ANTXR2: variants seen among roughly 807,000 people sequenced by gnomAD.
ANTXR2 encodes anthrax toxin receptor 2.
In ANTXR2, 44 loss-of-function variants were observed where a neutral mutation model predicts 73.7. The ratio of observed to expected loss-of-function variants is 0.60; its 90% CI spans 0.47 to 0.77. ANTXR2 has a LOEUF of 0.77. Ranked by LOEUF, ANTXR2 falls within the 30% of genes least tolerant of loss-of-function variation. ANTXR2 has a pLI of 0.00. For missense variants in ANTXR2, 604 were observed against 592.5 expected (o/e 1.02, Z -0.20); for synonymous variants, 217 against 205.9 (o/e 1.05, Z -0.46).
At chr4:80,003,749 T>C (rs1210931638) in intron 12 of ANTXR2, among the ~76,000 whole-genome samples, 1 of 151,870 alleles carries the variant, frequency 6.6e-6, no homozygotes, top group East Asian at 1.9e-4. Context: ...ATAATAAAAA[T>C]AGAGAAAACA....
chr4:80,032,324 T>C (rs1392819180), intron 9 of ANTXR2, among the ~76,000 whole-genome samples: 1 of 151,866 alleles, frequency 6.6e-6, no homozygotes, highest in Non-Finnish European at 1.5e-5. Flanking sequence ...ATGAAATACG[T>C]TTATTTTATA....
At chr4:79,983,583 G>A (rs898670195) in intron 14 of ANTXR2, among the ~76,000 whole-genome samples, 1 of 152,060 alleles carries the variant, frequency 6.6e-6, no homozygotes, top group South Asian at 2.1e-4. Context: ...CAAAGTTGAC[G>A]TTCTATGCGG....
intron 16 of ANTXR2, among the ~76,000 whole-genome samples, chr4:79,910,757 G>A (rs184394509): frequency 1.8e-4 from 27 of 152,134 alleles, no homozygotes; most frequent in African/African-American, 6.5e-4. Flanking sequence ...ATGAATCTGA[G>A]GGAGAGAAAG....
At chr4:80,048,936 C>T (rs1733643801) in intron 7 of ANTXR2, among the ~76,000 whole-genome samples, 5 of 151,648 alleles carry the variant, frequency 3.3e-5, no homozygotes, top group African/African-American at 1.2e-4. Flanking sequence ...TTTAAATGTC[C>T]TAAATGTATG....
chr4:80,007,401 T>G (rs1323013644), intron 12 of ANTXR2, among the ~76,000 whole-genome samples: 5 of 152,204 alleles, frequency 3.3e-5, no homozygotes, highest in Non-Finnish European at 5.9e-5. Flanking sequence ...AGATAATTTT[T>G]TTTCTATGAA....
intron 16 of ANTXR2, among the ~76,000 whole-genome samples, chr4:79,924,733 A>G (rs1727716261): frequency 6.6e-6 from 1 of 152,152 alleles, no homozygotes; most frequent in Non-Finnish European, 1.5e-5. Context: ...AGTGTTCACA[A>G]AGCTTACTTC....
At chr4:80,004,405 C>CT (rs70944758) in intron 12 of ANTXR2, among the ~76,000 whole-genome samples, 4 of 151,230 alleles carry the variant, frequency 2.6e-5, no homozygotes, top group South Asian at 4.2e-4. Context: ...ACCACAGAAA[C>CT]TTTTTTTTTA....
At chr4:79,985,157 G>T (rs965309019) in intron 12 of ANTXR2, among the ~76,000 whole-genome samples, 2 of 152,060 alleles carry the variant, frequency 1.3e-5, no homozygotes, top group East Asian at 3.9e-4. Flanking sequence ...GACCATCCTG[G>T]CTAACACGGT....
At chr4:80,012,121 C>T (rs1210937688) in intron 11 of ANTXR2, among the ~76,000 whole-genome samples, 1 of 152,144 alleles carries the variant, frequency 6.6e-6, no homozygotes, top group Non-Finnish European at 1.5e-5. Flanking sequence ...GAATTCACAG[C>T]AGCCACATTA....
chr4:79,923,792 T>C (rs1444758229), intron 16 of ANTXR2, among the ~76,000 whole-genome samples: 1 of 152,110 alleles, frequency 6.6e-6, no homozygotes, highest in Non-Finnish European at 1.5e-5. Flanking sequence ...GTCAAATAAA[T>C]AAATATTTGT....
intron 12 of ANTXR2, among the ~76,000 whole-genome samples, chr4:80,001,674 G>C (rs371426973): frequency 6.6e-6 from 1 of 150,766 alleles, no homozygotes; most frequent in Admixed American, 6.6e-5. Context: ...TTATTATTGT[G>C]TGGGAGTCTA....
chr4:79,988,256 T>C (rs1265015814), intron 12 of ANTXR2, among the ~76,000 whole-genome samples: 1 of 134,800 alleles, frequency 7.4e-6, no homozygotes, highest in African/African-American at 2.8e-5. Flanking sequence ...TATATATATA[T>C]ATATATATAT....
chr4:79,979,255 C>T (rs186586812), intron 14 of ANTXR2, among the ~76,000 whole-genome samples: 60 of 152,194 alleles, frequency 3.9e-4, no homozygotes, highest in Middle Eastern at 3.4e-3. Flanking sequence ...TGGAGAAGAG[C>T]TTGTCCAACC....
chr4:79,921,768 G>T (rs980549476), intron 16 of ANTXR2, among the ~76,000 whole-genome samples: 1 of 151,390 alleles, frequency 6.6e-6, no homozygotes, highest in African/African-American at 2.4e-5. Context: ...TGGTTGGTTG[G>T]TTTGTTTTTC....
At chr4:79,931,449 TTCTCTC>T (rs142694925) in intron 16 of ANTXR2, among the ~76,000 whole-genome samples, 6,187 of 133,954 alleles carry the variant, frequency 0.046, 310 homozygotes, top group African/African-American at 0.17. Flanking sequence ...TCCTCGCTTC[TTCTCTC>T]TCTCTCTCTC....
chr4:79,922,642 C>G (rs1227381567), intron 16 of ANTXR2, among the ~76,000 whole-genome samples: 1 of 151,974 alleles, frequency 6.6e-6, no homozygotes, highest in Admixed American at 6.6e-5. Flanking sequence ...GTAAAAAGAA[C>G]AGTTTGCTTC....
chr4:80,069,819 C>A (rs1734698390), intron 2 of ANTXR2, among the ~76,000 whole-genome samples: 2 of 152,176 alleles, frequency 1.3e-5, no homozygotes, highest in African/African-American at 4.8e-5. Flanking sequence ...TTCCTCTTCC[C>A]TTGGTTTTCT....
chr4:80,025,687 A>G (rs1732397711), intron 10 of ANTXR2, among the ~76,000 whole-genome samples: 1 of 152,190 alleles, frequency 6.6e-6, no homozygotes. Context: ...GGAAGATAAG[A>G]TTCCATATTC....
chr4:79,901,327 G>A lies in ANTXR2; in HGVS notation c.*6102C>T, dbSNP rs765520573. The A allele has an allele frequency of 6.6e-6, 1 of 152,024 alleles. No homozygotes were observed. The highest frequency in any genetic ancestry group is 1.5e-5 in the Non-Finnish European group (1 of 68,000). 9.4% of individuals were successfully genotyped at this position (152,024 alleles called of 1,614,324 possible). A position where few individuals can be genotyped will look rare whatever the true frequency, so the allele number is the denominator to read the frequency against. ...TTACTTATACAAATCAGATGGTGGA[G>A]TACATGATAAGAAGTTTAGATTTGC... is the stretch of plus-strand genomic sequence containing the variant. On this transcript the variant is annotated 3_prime_UTR_variant, in exon 17 of 17. Transcript: ENST00000403729.
Sources: gnomAD v4.1 joint callset for allele counts (sites outside exome capture counted in the v4.1 genomes callset) on GRCh38, gnomAD v4.1.1 for gene constraint, MANE v1.5 for transcripts, NCBI Gene and HGNC (gene_info 2026-07-23, HGNC 2026-07-21) for gene names.